Variants in VWA8 observed in about 807,000 individuals in gnomAD.
VWA8 encodes von Willebrand factor A domain containing 8.
A neutral mutation model predicts 241.5 loss-of-function variants in VWA8; 221 were observed. The observed-to-expected ratio is 0.91, with a 90% CI of 0.82 to 1.02. The LOEUF is 1.02. Ranked by LOEUF, VWA8 falls within the 50% of genes least tolerant of loss-of-function variation. VWA8 has a pLI of 0.00. For synonymous variants in VWA8, 852 were observed against 827.1 expected (o/e 1.03, Z -0.52); for missense variants, 2,322 against 2,328.7 (o/e 1.00, Z 0.06).
At chr13:41,877,284 T>C (rs1873943408) in intron 9 of VWA8, among the ~76,000 whole-genome samples, 1 of 152,064 alleles carries the variant, frequency 6.6e-6, no homozygotes, top group Non-Finnish European at 1.5e-5. Context: ...CATCAGTTAG[T>C]AACATGTATC....
chr13:41,687,315 G>C (rs2045143445), intron 34 of VWA8, among the ~76,000 whole-genome samples: 1 of 152,104 alleles, frequency 6.6e-6, no homozygotes, highest in South Asian at 2.1e-4. Context: ...GAAAAGAAAA[G>C]AAATACTTTT....
In VWA8 at chr13:41,615,053, A is replaced by G. The variant is rs1435980736; in HGVS notation, c.4643T>C (p.Val1548Ala). Residue 1548 changes from valine to alanine, a missense_variant, in exon 38 of 45, where the codon GTA becomes GCA. Transcript: ENST00000379310. ...ITINRDSGED[V>A]SSPKHGKEDP... ...CTCCTTCCCGTGTTTGGGGGAGCTTACATCTTCACCACTGTCTCTGTTGAT... is the reference window on the plus strand; with the variant it reads ...CTCCTTCCCGTGTTTGGGGGAGCTTGCATCTTCACCACTGTCTCTGTTGAT... 1 of 1,613,890 alleles carries G rather than the reference A, an allele frequency of 6.2e-7. No individual in the cohort carries two copies. The highest frequency in any genetic ancestry group is 2.2e-5 in the East Asian group (1 of 44,886).
chr13:41,781,328 A>G (rs373661637), intron 19 of VWA8, among the ~76,000 whole-genome samples: 477 of 152,208 alleles, frequency 3.1e-3, no homozygotes, highest in African/African-American at 9.9e-3. Flanking sequence ...ATTGTCTCAT[A>G]TAACTAAGTC....
intron 20 of VWA8, among the ~76,000 whole-genome samples, chr13:41,777,250 T>C (rs549193767): frequency 6.6e-6 from 1 of 152,020 alleles, no homozygotes; most frequent in Non-Finnish European, 1.5e-5. Flanking sequence ...ATGACTAGTA[T>C]GACAAAAGGG....
Position 41,568,308 on chromosome 13 carries a change from G to A in VWA8, c.5610-3C>T. On this transcript the variant is annotated splice_region_variant and splice_polypyrimidine_tract_variant and intron_variant, in intron 44 of 44. Coordinates refer to ENST00000379310, the MANE Select transcript of VWA8 (RefSeq NM_015058.2). ...CAGCTGGTAAAGTTCTCTGAAGCCT[G>A]CCAGGATGGAAAGGGAAAGGAAGTT... The A allele has an allele frequency of 6.2e-7, 1 of 1,613,654 alleles. No homozygotes were observed.
chr13:41,774,367 T>A (rs1409174464), intron 20 of VWA8, among the ~76,000 whole-genome samples: 1 of 152,212 alleles, frequency 6.6e-6, no homozygotes, highest in Non-Finnish European at 1.5e-5. Context: ...GGTCTCAAAC[T>A]CCTGGCCTCA....
intron 2 of VWA8, chr13:41,927,196 G>A (rs1425328921): frequency 3.0e-5 from 14 of 464,588 alleles, no homozygotes; most frequent in South Asian, 6.8e-5. Flanking sequence ...CCTGGAATAC[G>A]TACAGGCATG....
rs549116866 is a variant in VWA8, at chr13:41,942,587, A to G, written c.241+7349T>C. ...TAATGTACCGAGAAGTCCTAGCCAC[A>G]TAGAAAACCTGCATCCACCCACCTA... On this transcript the variant is annotated intron_variant, in intron 2 of 44. Transcript: ENST00000379310. Among the ~76,000 whole-genome samples, 80 of 152,294 alleles carry G rather than the reference A, an allele frequency of 5.3e-4. 1 individual carries two copies. The highest frequency in any genetic ancestry group is 1.7e-3 in the African/African-American group (69 of 41,560).
chr13:41,905,741 A>C (rs752242696), intron 4 of VWA8, among the ~76,000 whole-genome samples: 12 of 152,072 alleles, frequency 7.9e-5, no homozygotes, highest in Non-Finnish European at 1.5e-4. Flanking sequence ...AAACGTTTTT[A>C]GTAAGAGTAC....
intron 39 of VWA8, among the ~76,000 whole-genome samples, chr13:41,609,211 CG>C (rs1317011714): frequency 3.3e-5 from 5 of 152,016 alleles, no homozygotes; most frequent in African/African-American, 1.2e-4. Context: ...AATCACATAA[CG>C]GGAAAGAGTG....
intron 40 of VWA8, among the ~76,000 whole-genome samples, chr13:41,601,590 C>A (rs2044521897): frequency 6.6e-6 from 1 of 152,006 alleles, no homozygotes; most frequent in African/African-American, 2.4e-5. Flanking sequence ...TGGATGTTTT[C>A]TTTTGTTAGA....
At chr13:41,588,591 T>C (rs2044434941) in intron 41 of VWA8, among the ~76,000 whole-genome samples, 2 of 152,130 alleles carry the variant, frequency 1.3e-5, no homozygotes, top group African/African-American at 4.8e-5. Flanking sequence ...GGTGGTGCTA[T>C]GTGCCTATAT....
At chr13:41,683,403 T>C (rs1488855434) in intron 35 of VWA8, among the ~76,000 whole-genome samples, 1 of 152,044 alleles carries the variant, frequency 6.6e-6, no homozygotes, top group Non-Finnish European at 1.5e-5. Flanking sequence ...TAAAGGCAAA[T>C]CTATAAGAAA....
At chr13:41,880,335 TGA>T (rs1460950228) in intron 9 of VWA8, among the ~76,000 whole-genome samples, 3 of 152,172 alleles carry the variant, frequency 2.0e-5, no homozygotes, top group Non-Finnish European at 4.4e-5. Context: ...CTGAACAATT[TGA>T]GAGTAAGCTG....
chr13:41,658,569 T>G (rs1270289876), intron 37 of VWA8, among the ~76,000 whole-genome samples: 1 of 152,238 alleles, frequency 6.6e-6, no homozygotes, highest in African/African-American at 2.4e-5. Flanking sequence ...GTTCCTTCAG[T>G]GATCTGCCTT....
intron 17 of VWA8, among the ~76,000 whole-genome samples, chr13:41,791,543 G>T (rs1346854636): frequency 2.6e-5 from 4 of 151,746 alleles, no homozygotes; most frequent in African/African-American, 9.7e-5. Flanking sequence ...TGAAACTGGT[G>T]TGTATTTGTT....
At chr13:41,740,816 CT>C (rs1593735383) in intron 21 of VWA8, among the ~76,000 whole-genome samples, 2 of 152,306 alleles carry the variant, frequency 1.3e-5, no homozygotes, top group African/African-American at 2.4e-5. Context: ...GTTTTCTCAT[CT>C]GAGTTTAGGT....
At chr13:41,728,225 T>C (rs559121566) in intron 23 of VWA8, among the ~76,000 whole-genome samples, 229 of 152,172 alleles carry the variant, frequency 1.5e-3, no homozygotes, top group African/African-American at 5.2e-3. Flanking sequence ...CCAATAGTTT[T>C]AACTGTGATC....
chr13:41,777,881 T>C (rs946266192), intron 20 of VWA8, 104 bp downstream of exon 20: 11 of 994,652 alleles, frequency 1.1e-5, no homozygotes, highest in South Asian at 9.7e-5. Context: ...AAACCAGTCA[T>C]TTAATAGGGG....
Sources: allele counts gnomAD v4.1 joint callset (sites outside exome capture counted in the v4.1 genomes callset), GRCh38; gene constraint gnomAD v4.1.1; transcripts MANE v1.5; gene names NCBI Gene and HGNC (gene_info 2026-07-23, HGNC 2026-07-21).